Variants in GRXCR2 observed in about 807,000 individuals in gnomAD.
GRXCR2 encodes the protein glutaredoxin and cysteine rich domain containing 2.
Under a neutral mutation model 24.8 loss-of-function variants are expected in GRXCR2, and 23 were observed. The ratio of observed to expected loss-of-function variants is 0.93; its 90% CI spans 0.67 to 1.32. GRXCR2 has a LOEUF of 1.32. Ranked by LOEUF, GRXCR2 falls within the 40% of genes most tolerant of loss-of-function variation. GRXCR2 has a pLI of 0.00. For synonymous variants in GRXCR2, 130 were observed against 116.1 expected (o/e 1.12, Z -0.77); for missense variants, 315 against 303.4 (o/e 1.04, Z -0.28).
intron 2 of GRXCR2, among the ~76,000 whole-genome samples, chr5:145,885,904 G>A (rs340043): frequency 6.6e-6 from 1 of 152,058 alleles, no homozygotes; most frequent in Non-Finnish European, 1.5e-5. Flanking sequence ...GAAAAAGGTA[G>A]TTCACAGTCG....
intron 2 of GRXCR2, among the ~76,000 whole-genome samples, chr5:145,902,222 T>C (rs931976124): frequency 6.6e-6 from 1 of 152,110 alleles, no homozygotes; most frequent in African/African-American, 2.4e-5. Context: ...GCCTCCCAAG[T>C]AGCTAGGACT....
At chr5:145,885,984 G>C (rs1756774534) in intron 2 of GRXCR2, among the ~76,000 whole-genome samples, 1 of 152,230 alleles carries the variant, frequency 6.6e-6, no homozygotes, top group African/African-American at 2.4e-5. Flanking sequence ...TGAAATGTCA[G>C]TCATCTGAGC....
At chr5:145,920,940 C>G (rs1757312673) in intron 2 of GRXCR2, among the ~76,000 whole-genome samples, 1 of 152,216 alleles carries the variant, frequency 6.6e-6, no homozygotes, top group South Asian at 2.1e-4. Flanking sequence ...AACCAGAGAG[C>G]AGGCCCTCAC....
chr5:145,876,191 G>GTATATATATATATATATATA (rs748811333), upstream of GRXCR2, among the ~76,000 whole-genome samples: 8 of 105,300 alleles, frequency 7.6e-5, no homozygotes, highest in Non-Finnish European at 1.1e-4. Flanking sequence ...GTGTGTGTGT[G>GTATATATATATATATATATA]TATATATATA....
intron 2 of GRXCR2, among the ~76,000 whole-genome samples, chr5:145,883,013 G>A (rs566582193): frequency 2.6e-4 from 32 of 125,392 alleles, no homozygotes; most frequent in African/African-American, 9.1e-4. Flanking sequence ...CACACACCAG[G>A]GCCTGTTGTG....
chr5:145,917,079 A>AG lies in GRXCR2; in HGVS notation c.-70+18621_-70+18622insC, dbSNP rs1757251551. 7.6e-4 allele frequency among the ~76,000 whole-genome samples: 87 copies of AG among 114,298 alleles called. 3 individuals carry two copies. The South Asian group carries it at 0.02, about 26-fold the overall frequency. The allele number at this position is 114,298 out of a possible 152,430, so 75.0% of individuals were successfully genotyped here. On this transcript the variant is annotated intron_variant, in intron 2 of 3. Transcript: ENST00000639411. Reference sequence around the variant, plus strand: ...CTAAGCATCTTTTTTTTTTTTTTTGAAAAGCAGTTATTTCCAGGGTGGGAA... The same window carrying AG: ...CTAAGCATCTTTTTTTTTTTTTTTGAGAAAGCAGTTATTTCCAGGGTGGGAA...
At chr5:145,866,832 ACCAC>A (rs1756446164) in intron 1 of GRXCR2, 104 bp from the exon 2 acceptor site, 2 of 701,954 alleles carry the variant, frequency 2.8e-6, no homozygotes. Context: ...AGGAACTTCT[ACCAC>A]CCAGCATTTT....
chr5:145,892,826 A>T (rs1219951176), intron 2 of GRXCR2, among the ~76,000 whole-genome samples: 1 of 152,180 alleles, frequency 6.6e-6, no homozygotes, highest in Non-Finnish European at 1.5e-5. Context: ...AAGACACATA[A>T]TTGTCAGATT....
rs568192071 is a variant in GRXCR2, at chr5:145,891,796, A to G, written c.-69-25068T>C. 3.9e-5 allele frequency among the ~76,000 whole-genome samples: 6 copies of G among 152,316 alleles called. No individual in the cohort carries two copies. The South Asian group carries it at 1.2e-3, about 32-fold the overall frequency. On this transcript the variant is annotated intron_variant, in intron 2 of 3. Coordinates refer to the GRXCR2 transcript ENST00000639411. ...CTTTGAAGAGAGTGGTGGTTCTCCC[A>G]GCATGCAGCTGGATATCTGAAAAAG...
intron 1 of GRXCR2, among the ~76,000 whole-genome samples, chr5:145,871,462 CA>C (rs1395363447): frequency 2.6e-5 from 4 of 152,144 alleles, no homozygotes; most frequent in Non-Finnish European, 5.9e-5. Flanking sequence ...TTCTCTTCTG[CA>C]AAATGGGAAT....
intron 2 of GRXCR2, among the ~76,000 whole-genome samples, chr5:145,911,647 A>G (rs951384541): frequency 1.3e-5 from 2 of 152,314 alleles, no homozygotes; most frequent in African/African-American, 4.8e-5. Flanking sequence ...GTCAAAGTCC[A>G]TTTCTGAAAT....
At chr5:145,916,680 T>C (rs1409964427) in intron 2 of GRXCR2, among the ~76,000 whole-genome samples, 1 of 152,198 alleles carries the variant, frequency 6.6e-6, no homozygotes, top group Non-Finnish European at 1.5e-5. Context: ...GATATAGACA[T>C]AGCTATCAGG....
In GRXCR2 at chr5:145,864,721, T is replaced by C. The variant is rs547484901; in HGVS notation, c.564+1780A>G. Among the ~76,000 whole-genome samples the C allele has an allele frequency of 2.2e-4, 34 of 152,282 alleles. No homozygotes were observed. The South Asian group carries it at 6.6e-3, about 30-fold the overall frequency. ...AAGTTTCCTGAGGCCTCCCCAGCCATTTGGAACTGTGAGTCAATTAAACCT... is the reference window on the plus strand; with the variant it reads ...AAGTTTCCTGAGGCCTCCCCAGCCACTTGGAACTGTGAGTCAATTAAACCT... On this transcript the variant is annotated intron_variant, in intron 2 of 2. Coordinates refer to ENST00000377976, the MANE Select transcript of GRXCR2 (RefSeq NM_001080516.2).
chr5:145,890,651 C>T (rs1756849880), intron 2 of GRXCR2, among the ~76,000 whole-genome samples: 1 of 152,188 alleles, frequency 6.6e-6, no homozygotes, highest in Non-Finnish European at 1.5e-5. Flanking sequence ...AAGAATGATA[C>T]CTGTTACCAC....
At chr5:145,927,694 T>G (rs1166927378) in intron 2 of GRXCR2, among the ~76,000 whole-genome samples, 1 of 152,168 alleles carries the variant, frequency 6.6e-6, no homozygotes, top group Non-Finnish European at 1.5e-5. Flanking sequence ...AATTCTCTTT[T>G]TTTGTTGTGT....
intron 2 of GRXCR2, among the ~76,000 whole-genome samples, chr5:145,889,172 AAAAGAAAGAAAGAAAG>A (rs557521873): frequency 0.025 from 2,068 of 84,000 alleles, 38 homozygotes; most frequent in Middle Eastern, 0.11. Context: ...CTGTCTCAAA[AAAAGAAAGAAAGAAAG>A]AAAGAAAGAA....
At chr5:145,913,830 C>G (rs565542273) in intron 2 of GRXCR2, among the ~76,000 whole-genome samples, 1 of 151,992 alleles carries the variant, frequency 6.6e-6, no homozygotes, top group African/African-American at 2.4e-5. Context: ...TAGCTGGGGA[C>G]AATAATCTTT....
chr5:145,872,141 A>G (rs1756541225), intron 1 of GRXCR2, among the ~76,000 whole-genome samples: 2 of 152,198 alleles, frequency 1.3e-5, no homozygotes, highest in African/African-American at 4.8e-5. Context: ...CTAAGGAGCA[A>G]TGGAAAGGAA....
upstream of GRXCR2, among the ~76,000 whole-genome samples, chr5:145,876,213 A>G (rs1756613768): frequency 7.1e-6 from 1 of 140,714 alleles, no homozygotes; most frequent in Non-Finnish European, 1.5e-5. Flanking sequence ...ATATATATAT[A>G]TATACACACA....
Sources: allele counts gnomAD v4.1 joint callset (sites outside exome capture counted in the v4.1 genomes callset), GRCh38; gene constraint gnomAD v4.1.1; transcripts MANE v1.5; gene names NCBI Gene and HGNC (gene_info 2026-07-23, HGNC 2026-07-21).